Variants in RABGEF1 observed in about 807,000 individuals in gnomAD.
The protein encoded by RABGEF1 is RAB guanine nucleotide exchange factor 1.
In RABGEF1, 26 loss-of-function variants were observed where a neutral mutation model predicts 57.3. That is an observed-to-expected ratio of 0.45 (90% confidence interval 0.33 to 0.63). RABGEF1 has a LOEUF of 0.63. Among genes scored for constraint, RABGEF1 ranks in the 20% least tolerant of loss-of-function variants. The pLI is 0.02. For missense variants in RABGEF1, 464 were observed against 607.6 expected, an observed-to-expected ratio of 0.76 and a Z score of 2.48; for synonymous variants, 185 against 210.7, an observed-to-expected ratio of 0.88 and a Z score of 1.06.
At chr7:66,733,389 G>A (rs1797564096) in intron 2 of RABGEF1, among the ~76,000 whole-genome samples, 1 of 152,246 alleles carries the variant, frequency 6.6e-6, no homozygotes, top group East Asian at 1.9e-4. Context: ...GTCTTAGCCT[G>A]TCTTCTCCAC....
At chr7:66,763,069 C>T (rs1804837267) in intron 1 of RABGEF1, among the ~76,000 whole-genome samples, 2 of 152,206 alleles carry the variant, frequency 1.3e-5, no homozygotes, top group African/African-American at 4.8e-5. Context: ...GCAGTCATAG[C>T]TCGCTGCAGC....
chr7:66,729,638 C>G (rs147927778), intron 2 of RABGEF1, among the ~76,000 whole-genome samples: 7 of 152,198 alleles, frequency 4.6e-5, no homozygotes, highest in Non-Finnish European at 7.3e-5. Flanking sequence ...ATTCTCACTT[C>G]CACTGTCTTC....
the RABGEF1 span, chr7:66,667,636 A>G: frequency 6.6e-6 from 1 of 152,216 alleles, no homozygotes; most frequent in Non-Finnish European, 1.5e-5. Flanking sequence ...GGTTGTTCTG[A>G]ATGACCTTTG....
chr7:66,677,456 T>C (rs1789354539), upstream of RABGEF1, among the ~76,000 whole-genome samples: 2 of 152,134 alleles, frequency 1.3e-5, 1 homozygote, highest in Admixed American at 1.3e-4. Context: ...CTGATGGTAC[T>C]TTTCTCTGTT....
intron 1 of RABGEF1, among the ~76,000 whole-genome samples, chr7:66,694,640 G>A (rs576247665): frequency 1.3e-5 from 2 of 152,326 alleles, no homozygotes; most frequent in Admixed American, 1.3e-4. Flanking sequence ...TGGATGTCAC[G>A]ATACCCCGGC....
At chr7:66,672,606 A>T in the RABGEF1 span, among the ~76,000 whole-genome samples, 2 of 152,224 alleles carry the variant, frequency 1.3e-5, no homozygotes, top group South Asian at 4.1e-4. Context: ...CCTTGGTGTG[A>T]CCCCTAGCCA....
intron 1 of RABGEF1, among the ~76,000 whole-genome samples, chr7:66,710,939 T>A (rs1381568047): frequency 6.6e-6 from 1 of 151,808 alleles, no homozygotes; most frequent in Non-Finnish European, 1.5e-5. Flanking sequence ...GGCCAGGAGT[T>A]TGAGACCAGC....
At chr7:66,800,286 GT>G (rs1249281316) in intron 7 of RABGEF1, among the ~76,000 whole-genome samples, 3 of 152,186 alleles carry the variant, frequency 2.0e-5, no homozygotes, top group African/African-American at 7.2e-5. Flanking sequence ...AGGAGGTGGA[GT>G]CTTTCAGGAC....
intron 1 of RABGEF1, among the ~76,000 whole-genome samples, chr7:66,707,635 C>G (rs763073454): frequency 7.2e-5 from 11 of 152,120 alleles, no homozygotes; most frequent in Non-Finnish European, 1.5e-4. Context: ...TTGCAGTGAG[C>G]CGAGACTGCA....
rs1421780463 is a variant in RABGEF1 at position 66,810,231 on chromosome 7, CTAGACATGTTTTCT to C, written c.*948_*961del. Reference sequence around the variant, plus strand: ...AATATACATTTGACTTTGCAAACGTCTAGACATGTTTTCTGAACCTTTTTCAGGACATTTCAACC... The same window carrying C: ...AATATACATTTGACTTTGCAAACGTCGAACCTTTTTCAGGACATTTCAACC... On this transcript the variant is annotated 3_prime_UTR_variant, in exon 9 of 9. Transcript: ENST00000284957. The C allele has an allele frequency of 2.6e-5, 4 of 152,310 alleles. No individual in the cohort carries two copies. Among genetic ancestry groups the C allele is most frequent in the African/African-American group, 7.2e-5 (3 of 41,568 alleles). The allele number at this position is 152,310 out of a possible 1,614,324, so 9.4% of individuals were successfully genotyped here.
intron 2 of RABGEF1, among the ~76,000 whole-genome samples, chr7:66,773,484 C>A (rs1807720172): frequency 6.6e-6 from 1 of 152,186 alleles, no homozygotes; most frequent in South Asian, 2.1e-4. Context: ...CCTGCTAAAT[C>A]TCTCGGAAAG....
At chr7:66,671,928 T>C in the RABGEF1 span, among the ~76,000 whole-genome samples, 5 of 150,684 alleles carry the variant, frequency 3.3e-5, no homozygotes, top group African/African-American at 1.2e-4. Flanking sequence ...GCAATCCTCC[T>C]GCCTCAGCTT....
the RABGEF1 span, among the ~76,000 whole-genome samples, chr7:66,676,162 A>G: frequency 7.9e-5 from 12 of 152,074 alleles, no homozygotes; most frequent in Non-Finnish European, 1.2e-4. Context: ...TCCACTAAAA[A>G]TACAAAAATT....
intron 1 of RABGEF1, among the ~76,000 whole-genome samples, chr7:66,702,027 G>A (rs955542023): frequency 6.6e-6 from 1 of 152,102 alleles, no homozygotes; most frequent in African/African-American, 2.4e-5. Flanking sequence ...AAAGGGCAGG[G>A]CATCCAATAC....
chr7:66,685,492 A>G (rs1206302704), intron 1 of RABGEF1, among the ~76,000 whole-genome samples: 3 of 151,176 alleles, frequency 2.0e-5, no homozygotes, highest in Admixed American at 6.6e-5. Context: ...GCATCTCTAC[A>G]AAAAAAAAGA....
chr7:66,721,806 C>T (rs1159309783), intron 2 of RABGEF1, among the ~76,000 whole-genome samples: 2 of 151,892 alleles, frequency 1.3e-5, no homozygotes, highest in African/African-American at 4.8e-5. Flanking sequence ...CGTCTCTACT[C>T]AAAACACAAA....
At chr7:66,661,460 A>G in the RABGEF1 span, among the ~76,000 whole-genome samples, 32 of 151,662 alleles carry the variant, frequency 2.1e-4, no homozygotes, top group Non-Finnish European at 2.8e-4. Flanking sequence ...TCACAAATAA[A>G]GAAAAAATAT....
At chr7:66,750,137 G>A (rs1801093362) in intron 1 of RABGEF1, among the ~76,000 whole-genome samples, 2 of 152,220 alleles carry the variant, frequency 1.3e-5, no homozygotes, top group South Asian at 4.1e-4. Context: ...TATTGAGAAT[G>A]TAGATTTTGT....
At chr7:66,723,291 G>A (rs1796247418) in intron 2 of RABGEF1, among the ~76,000 whole-genome samples, 1 of 151,860 alleles carries the variant, frequency 6.6e-6, no homozygotes, top group African/African-American at 2.4e-5. Context: ...TTAGATTGAA[G>A]TTTCTTGTTT....
Sources: allele counts gnomAD v4.1 joint callset (sites outside exome capture counted in the v4.1 genomes callset), GRCh38; gene constraint gnomAD v4.1.1; transcripts MANE v1.5; gene names NCBI Gene and HGNC (gene_info 2026-07-23, HGNC 2026-07-21).